VWF: variants seen among roughly 807,000 people sequenced by gnomAD.
VWF encodes von Willebrand factor.
VWF carries 176 observed loss-of-function variants against 308.6 expected under a neutral mutation model. The ratio of observed to expected loss-of-function variants is 0.57; its 90% confidence interval spans 0.50 to 0.65. VWF has a LOEUF of 0.65. Ranked by LOEUF, VWF falls within the 30% of genes least tolerant of loss-of-function variation. The probability of loss-of-function intolerance (pLI) is 0.00; values close to 1 mark genes in which losing one functional copy is unlikely to be tolerated. For synonymous variants in VWF, 1,385 were observed against 1,443.4 expected, an observed-to-expected ratio of 0.96 and a Z score of 0.92; for missense variants, 3,146 against 3,648.2, an observed-to-expected ratio of 0.86 and a Z score of 3.55.
At chr12:5,973,545 T>G (rs1222994829) in intron 43 of VWF, among the ~76,000 whole-genome samples, 2 of 152,178 alleles carry the variant, frequency 1.3e-5, no homozygotes, top group East Asian at 3.9e-4. Context: ...GACTGGCCCT[T>G]GCAACACTGG....
rs537085069 is a variant in VWF, at chr12:6,110,411, A to G, written c.495T>C (p.Phe165=). 2.5e-6 allele frequency: 4 copies of G among 1,614,218 alleles called. No individual in the cohort carries two copies. The highest frequency in any genetic ancestry group is 2.5e-6 in the Non-Finnish European group (3 of 1,180,026). The change falls in exon 5 of 52, where the codon TTT becomes TTC. Residue 165 remains phenylalanine, a synonymous_variant. Coordinates refer to ENST00000261405, the MANE Select transcript of VWF (RefSeq NM_000552.5). ...TAAAGTCATCTTCAGCAAAGATGTT[A>G]AAGTTGCCACACAGCCCGCAGGTCT... ...FNKTCGLCGN[F]NIFAEDDFMT...
intron 3 of VWF, among the ~76,000 whole-genome samples, chr12:6,116,401 A>C (rs1440518377): frequency 2.0e-5 from 3 of 152,204 alleles, no homozygotes; most frequent in Admixed American, 2.0e-4. Context: ...CTTAGGCTTT[A>C]GTGTGGAACT....
chr12:6,027,479 T>C (rs1308005919), intron 22 of VWF, among the ~76,000 whole-genome samples: 1 of 152,162 alleles, frequency 6.6e-6, no homozygotes, highest in Non-Finnish European at 1.5e-5. Context: ...GATGAAGAGT[T>C]TAACCTGGAT....
chr12:6,087,057 G>C (rs1027353380), intron 6 of VWF, among the ~76,000 whole-genome samples: 7 of 152,120 alleles, frequency 4.6e-5, no homozygotes, highest in African/African-American at 1.7e-4. Flanking sequence ...AAGAAAATAA[G>C]GCTTGTGTTC....
chr12:5,958,769 T>C (rs1219440109), intron 47 of VWF, among the ~76,000 whole-genome samples: 3 of 152,300 alleles, frequency 2.0e-5, no homozygotes, highest in South Asian at 4.1e-4. Flanking sequence ...TTTCTTTCAC[T>C]AATTTGATCC....
Position 6,110,363 on chromosome 12 carries a change from G to T in VWF, c.532+11C>A. The T allele has an allele frequency of 1.2e-6, 2 of 1,613,456 alleles. No homozygotes were observed. Among genetic ancestry groups the T allele is most frequent in the South Asian group, 1.1e-5 (1 of 91,036 alleles). On this transcript the variant is annotated intron_variant, in intron 5 of 51. Transcript: ENST00000261405. ...CACACTTTAGGGAAATGGTATCCCA[G>T]AACATCTTACCTTCTTGGGTCATAA...
At chr12:6,059,103 T>C (rs767232671) in intron 13 of VWF, among the ~76,000 whole-genome samples, 1 of 152,170 alleles carries the variant, frequency 6.6e-6, no homozygotes, top group South Asian at 2.1e-4. Context: ...CCCAGGCCCA[T>C]AGAAATCGAA....
intron 44 of VWF, 137 bp downstream of exon 44, chr12:5,971,462 C>T (rs1565814015): frequency 2.8e-6 from 2 of 725,012 alleles, no homozygotes; most frequent in Non-Finnish European, 4.8e-6. Context: ...CAGCTGGCAT[C>T]TGGATAACAC....
At chr12:5,981,489 C>T (rs1199791488) in intron 42 of VWF, among the ~76,000 whole-genome samples, 1 of 152,208 alleles carries the variant, frequency 6.6e-6, no homozygotes, top group African/African-American at 2.4e-5. Context: ...AACCTCAGCA[C>T]CTAGCCATGC....
intron 34 of VWF, among the ~76,000 whole-genome samples, chr12:5,997,417 G>C (rs1322161149): frequency 6.6e-6 from 1 of 152,200 alleles, no homozygotes; most frequent in Non-Finnish European, 1.5e-5. Context: ...GAATGGCTCT[G>C]CCCACCCTAA....
intron 45 of VWF, among the ~76,000 whole-genome samples, chr12:5,968,902 T>C (rs1444169988): frequency 6.6e-6 from 1 of 152,212 alleles, no homozygotes; most frequent in African/African-American, 2.4e-5. Flanking sequence ...TTCTGTTTGT[T>C]GGCAGCGTTG....
chr12:5,952,762 G>C (rs970068814), intron 48 of VWF, among the ~76,000 whole-genome samples: 15 of 152,210 alleles, frequency 9.9e-5, no homozygotes, highest in African/African-American at 3.6e-4. Context: ...ATGCTTGAAG[G>C]ATTGAGATAT....
chr12:6,091,298 G>A (rs1472219960), intron 6 of VWF, among the ~76,000 whole-genome samples: 4 of 151,840 alleles, frequency 2.6e-5, no homozygotes, highest in Admixed American at 6.6e-5. Context: ...GTGGGTGGGA[G>A]GAGGGAGATG....
chr12:5,964,353 C>G (rs1199781839), intron 47 of VWF, among the ~76,000 whole-genome samples: 1 of 147,610 alleles, frequency 6.8e-6, no homozygotes, highest in Non-Finnish European at 1.5e-5. Flanking sequence ...AAATTATTAG[C>G]TTTGCTTTCA....
intron 47 of VWF, among the ~76,000 whole-genome samples, chr12:5,967,045 T>C (rs1330176961): frequency 6.6e-6 from 1 of 152,190 alleles, no homozygotes; most frequent in Admixed American, 6.5e-5. Flanking sequence ...ACCATCCAAA[T>C]GTCCCGCAAT....
At chr12:6,104,159 A>G (rs1945214264) in intron 5 of VWF, among the ~76,000 whole-genome samples, 1 of 152,214 alleles carries the variant, frequency 6.6e-6, no homozygotes, top group Non-Finnish European at 1.5e-5. Flanking sequence ...AATATCTGAC[A>G]GGAATGTGAA....
chr12:5,985,455 G>A (rs1296818657), intron 39 of VWF, 108 bp downstream of exon 39: 15 of 1,229,118 alleles, frequency 1.2e-5, no homozygotes, highest in Admixed American at 5.9e-5. Context: ...TAGGACTCTA[G>A]GTGCCAGTGT....
At chr12:5,952,198 T>C (rs934671019) in intron 49 of VWF, 193 bp downstream of exon 49, 98 of 823,318 alleles carry the variant, frequency 1.2e-4, no homozygotes, top group Non-Finnish European at 1.7e-4. Flanking sequence ...AATATTTTTT[T>C]AAAACATCCT....
chr12:6,092,622 T>TGAGAGAGAGAGAGAGAGAGAGAGAGA (rs1403649370), intron 6 of VWF, among the ~76,000 whole-genome samples: 2 of 91,488 alleles, frequency 2.2e-5, no homozygotes, highest in Admixed American at 1.1e-4. Flanking sequence ...AGTGAGAGTG[T>TGAGAGAGAGAGAGAGAGAGAGAGAGA]GTGTGTGTGT....
Sources: gnomAD v4.1 joint callset for allele counts (sites outside exome capture counted in the v4.1 genomes callset) on GRCh38, gnomAD v4.1.1 for gene constraint, MANE v1.5 for transcripts, NCBI Gene and HGNC (gene_info 2026-07-23, HGNC 2026-07-21) for gene names.